OPN3: variants seen among roughly 807,000 people sequenced by gnomAD.
OPN3 encodes opsin 3, also known as opsin-3.
In OPN3, 29 loss-of-function variants were observed where a neutral mutation model predicts 33.8. The ratio of observed to expected loss-of-function variants is 0.86; its 90% CI spans 0.64 to 1.17. The LOEUF (loss-of-function observed/expected upper bound fraction) is 1.17, where lower values mean the gene tolerates loss of function less well. OPN3 is among the 50% of genes most tolerant of loss of function. The pLI, the probability that OPN3 is intolerant of heterozygous loss-of-function variation, is 0.00. For synonymous variants in OPN3, 216 were observed against 216.1 expected, an observed-to-expected ratio of 1.00 and a Z score of 0.00; for missense variants, 437 against 514.1, an observed-to-expected ratio of 0.85 and a Z score of 1.45.
intron 1 of OPN3, among the ~76,000 whole-genome samples, chr1:241,614,670 C>G (rs1037347008): frequency 6.6e-6 from 1 of 152,170 alleles, no homozygotes; most frequent in African/African-American, 2.4e-5. Flanking sequence ...TGGCTTCAAA[C>G]TTGGCTTCTT....
chr1:241,604,112 A>G, intron 2 of OPN3, 148 bp downstream of exon 2: 1 of 665,836 alleles, frequency 1.5e-6, no homozygotes, highest in East Asian at 2.6e-5. Context: ...GACTCATAGC[A>G]TAAAATTCAA....
chr1:241,593,159 T>C lies in OPN3; in HGVS notation c.*1269A>G, dbSNP rs1007724578. 8.5e-6 allele frequency: 2 copies of C among 235,996 alleles called. No homozygotes were observed. Among genetic ancestry groups the C allele is most frequent in the Non-Finnish European group, 1.9e-5 (2 of 105,066 alleles). The allele number at this position is 235,996 out of a possible 1,614,324, so 14.6% of individuals were successfully genotyped here. On this transcript the variant is annotated 3_prime_UTR_variant, in exon 4 of 4. Coordinates refer to ENST00000366554, the MANE Select transcript of OPN3 (RefSeq NM_014322.3). ...GAAAGGGTTTTATTCATAAATTAAA[T>C]GTCTACATGTGCCAGAATGGAAAGG...
intron 1 of OPN3, chr1:241,634,767 T>A: frequency 6.2e-7 from 1 of 1,613,988 alleles, no homozygotes; most frequent in South Asian, 1.1e-5. Flanking sequence ...TGTTGAAGGT[T>A]GGGAGTTAGT....
Position 241,593,330 on chromosome 1 carries a change from G to A in OPN3, c.*1098C>T, listed in dbSNP as rs1183944602. ...CTTGATTTTTAAAAGCACATTTAGTGAAATGTTTTCTTTGGTTCATCCTTC... is the reference window on the plus strand; with the variant it reads ...CTTGATTTTTAAAAGCACATTTAGTAAAATGTTTTCTTTGGTTCATCCTTC... On this transcript the variant is annotated 3_prime_UTR_variant, in exon 4 of 4. Transcript: ENST00000366554. 1 of 420,382 alleles carries A rather than the reference G, an allele frequency of 2.4e-6. No homozygotes were observed. Among genetic ancestry groups the A allele is most frequent in the Admixed American group, 2.4e-5 (1 of 41,828 alleles). 26.0% of individuals were successfully genotyped at this position (420,382 alleles called of 1,614,324 possible). A position where few individuals can be genotyped will look rare whatever the true frequency, so the allele number is the denominator to read the frequency against.
intron 3 of OPN3, among the ~76,000 whole-genome samples, chr1:241,596,869 G>T (rs1663532524): frequency 6.6e-6 from 1 of 152,196 alleles, no homozygotes; most frequent in African/African-American, 2.4e-5. Flanking sequence ...CTGTCGCCCA[G>T]GCTGGAATGC....
chr1:241,619,119 C>T (rs562051786), intron 1 of OPN3, among the ~76,000 whole-genome samples: 2 of 152,246 alleles, frequency 1.3e-5, no homozygotes, highest in African/African-American at 4.8e-5. Flanking sequence ...CTCCTTCATC[C>T]TTTGGAACTT....
intron 1 of OPN3, chr1:241,630,635 A>T (rs1664595048): frequency 6.6e-6 from 1 of 152,058 alleles, no homozygotes; most frequent in Non-Finnish European, 1.5e-5. Context: ...CTTTAACCAT[A>T]TATAAAAATA....
At chr1:241,595,252 G>A (rs2147993338) in intron 3 of OPN3, 1 of 152,396 alleles carries the variant, frequency 6.6e-6, no homozygotes, top group Admixed American at 6.5e-5. Context: ...TCCGTGTCCT[G>A]GGTACAACAT....
intron 3 of OPN3, among the ~76,000 whole-genome samples, chr1:241,596,178 G>A (rs547828094): frequency 1.6e-4 from 24 of 152,288 alleles, no homozygotes; most frequent in African/African-American, 5.5e-4. Context: ...GAGAAAGAGT[G>A]CAACAAATAA....
At chr1:241,599,741 G>A (rs766886341) in intron 2 of OPN3, among the ~76,000 whole-genome samples, 10 of 152,022 alleles carry the variant, frequency 6.6e-5, no homozygotes, top group African/African-American at 1.4e-4. Flanking sequence ...ACTTTTGCTC[G>A]CAGTGTGATA....
intron 1 of OPN3, among the ~76,000 whole-genome samples, chr1:241,627,545 G>C (rs1019484253): frequency 6.6e-6 from 1 of 152,154 alleles, no homozygotes; most frequent in East Asian, 1.9e-4. Flanking sequence ...AAATGTAGTT[G>C]TCAAGAGAAA....
At chr1:241,615,980 C>T (rs1664114496) in intron 1 of OPN3, 5 of 456,504 alleles carry the variant, frequency 1.1e-5, no homozygotes, top group South Asian at 7.7e-5. Context: ...CAGAGTTGGA[C>T]CAATGGCCAA....
chr1:241,599,744 G>A (rs1391334841), intron 2 of OPN3, among the ~76,000 whole-genome samples: 7 of 152,166 alleles, frequency 4.6e-5, no homozygotes, highest in Admixed American at 3.9e-4. Context: ...TTTGCTCGCA[G>A]TGTGATATTG....
At chr1:241,608,737 A>G (rs672944) in intron 1 of OPN3, among the ~76,000 whole-genome samples, 2,950 of 152,362 alleles carry the variant, frequency 0.019, 82 homozygotes, top group African/African-American at 0.067. Context: ...CCTGTGTCTT[A>G]GCAAGCACAA....
intron 2 of OPN3, among the ~76,000 whole-genome samples, chr1:241,598,344 T>C (rs1253716820): frequency 6.6e-6 from 1 of 152,106 alleles, no homozygotes; most frequent in African/African-American, 2.4e-5. Context: ...CACGATAAAA[T>C]GCAAAGAATT....
chr1:241,607,552 G>A (rs1298202189), intron 1 of OPN3, among the ~76,000 whole-genome samples: 1 of 146,660 alleles, frequency 6.8e-6, no homozygotes, highest in Non-Finnish European at 1.5e-5. Flanking sequence ...AAGAAGGAAG[G>A]AAGGAAGGAA....
intron 1 of OPN3, among the ~76,000 whole-genome samples, chr1:241,611,778 C>T (rs1211382372): frequency 6.6e-6 from 1 of 152,200 alleles, no homozygotes; most frequent in Non-Finnish European, 1.5e-5. Flanking sequence ...CATTACAATA[C>T]AATTCTAGAG....
chr1:241,634,018 G>C, intron 1 of OPN3: 1 of 1,613,780 alleles, frequency 6.2e-7, no homozygotes, highest in Non-Finnish European at 8.5e-7. Flanking sequence ...CATTTCCCAG[G>C]CCACAGTCAG....
At chr1:241,635,014 T>C (rs1664825559) in intron 1 of OPN3, 1 of 1,613,414 alleles carries the variant, frequency 6.2e-7, no homozygotes, top group Non-Finnish European at 8.5e-7. Context: ...GACTAACATC[T>C]GATTTGATTA....
Sources: gnomAD v4.1 joint callset for allele counts (sites outside exome capture counted in the v4.1 genomes callset) on GRCh38, gnomAD v4.1.1 for gene constraint, MANE v1.5 for transcripts, NCBI Gene and HGNC (gene_info 2026-07-23, HGNC 2026-07-21) for gene names.